COCH: variants seen among roughly 807,000 people sequenced by gnomAD.
COCH encodes coagulation factor C homolog, cochlin (Limulus polyphemus).
Under a neutral mutation model 54.8 loss-of-function variants are expected in COCH, and 40 were observed. That is an observed-to-expected ratio of 0.73 (90% CI 0.57 to 0.95). The LOEUF is 0.95. COCH is among the 40% of genes least tolerant of loss of function. COCH has a pLI of 0.00. For synonymous variants in COCH, 256 were observed against 237.9 expected (o/e 1.08, Z -0.70); for missense variants, 605 against 675.0 (o/e 0.90, Z 1.15).
In COCH at chr14:30,877,313, A is replaced by G. The variant is rs1308447858; in HGVS notation, c.83-259A>G. On this transcript the variant is annotated intron_variant, in intron 3 of 11. Transcript: ENST00000396618. The surrounding 1 kb of genome is among the most constrained non-coding windows in gnomAD (Gnocchi z 8.6). Reference sequence around the variant, plus strand: ...AGCTTGGGCAACTTGGCGAGTCCCCATTTCAAAAACAAAAACGAAATAAAA... The same window carrying G: ...AGCTTGGGCAACTTGGCGAGTCCCCGTTTCAAAAACAAAAACGAAATAAAA... The G allele has an allele frequency of 6.9e-6, 3 of 433,484 alleles. No individual in the cohort carries two copies. The East Asian group carries it at 1.5e-4, about 21-fold the overall frequency. The allele number at this position is 433,484 out of a possible 1,614,324, so 26.9% of individuals were successfully genotyped here.
chr14:30,885,554 A>G lies in COCH; in HGVS notation c.894A>G (p.Ile298Met), dbSNP rs1895757433. ...VAREFGVNVF[I>M]VSVAKPIPEE... ...GAGAGTTTGGTGTCAATGTATTTATAGTTTCTGTGGCCAAGCCTATCCCTG... is the reference window on the plus strand; with the variant it reads ...GAGAGTTTGGTGTCAATGTATTTATGGTTTCTGTGGCCAAGCCTATCCCTG... The change falls in exon 10 of 12, where the codon ATA (isoleucine) becomes ATG (methionine). Residue 298 changes from isoleucine (I) to methionine (M), a missense_variant. By Grantham distance (10) the Ile-to-Met change is conservative (BLOSUM62 1). Transcript: ENST00000396618. 6.2e-7 allele frequency: 1 copy of G among 1,613,524 alleles called. No homozygotes were observed. The highest frequency in any genetic ancestry group is 1.6e-4 in the Middle Eastern group (1 of 6,062).
Position 30,878,926 on chromosome 14 carries a change from G to A in COCH, c.355G>A (p.Ala119Thr), listed in dbSNP as rs121908931. The A allele has an allele frequency of 4.3e-6, 7 of 1,614,082 alleles. No individual in the cohort carries two copies. The East Asian group carries it at 1.6e-4, about 36-fold the overall frequency. ...GTCTCAAATGCTTTCTAGATGGTCT[G>A]CTTCTTTCACAGTAACTAGTAGGTA... ...IQSQMLSRWS[A>T]SFTVTKGKSS... Residue 119 changes from alanine to threonine, a missense_variant, in exon 5 of 12, where the codon GCT becomes ACT. By Grantham distance (58) the Ala-to-Thr change is moderately conservative. Coordinates refer to ENST00000396618, the MANE Select transcript of COCH (RefSeq NM_004086.3).
At chr14:30,885,680 G>A in intron 10 of COCH, 60 bp downstream of exon 10, 3 of 1,470,464 alleles carry the variant, frequency 2.0e-6, no homozygotes, top group Non-Finnish European at 2.9e-6. Flanking sequence ...GGACCTCTAA[G>A]TGCAGTGCTG....
chr14:30,894,950 G>A (rs539865179), downstream of COCH: 5 of 1,049,262 alleles, frequency 4.8e-6, no homozygotes, highest in East Asian at 8.1e-5. Context: ...GCATTCAACC[G>A]ATAAACAGAA....
chr14:30,875,944 T>G (rs1273906127), intron 3 of COCH: 1 of 152,078 alleles, frequency 6.6e-6, no homozygotes, highest in Non-Finnish European at 1.5e-5. Context: ...GGTAAGGATT[T>G]TAACCTCTCA....
At chr14:30,874,857 G>T in intron 1 of COCH, 59 bp from the exon 2 acceptor site, 2 of 1,503,850 alleles carry the variant, frequency 1.3e-6, no homozygotes, top group Non-Finnish European at 1.8e-6. Flanking sequence ...GGGCTCTGAG[G>T]AGGTGACGCG....
At chr14:30,890,900 G>A (rs1895960958), downstream of COCH, among the ~76,000 whole-genome samples, 1 of 151,910 alleles carries the variant, frequency 6.6e-6, no homozygotes. Context: ...TTAGCCGGGT[G>A]GGATGGTGCA....
intron 10 of COCH, 35 bp downstream of exon 10, chr14:30,885,655 TG>T: frequency 6.8e-7 from 1 of 1,471,054 alleles, no homozygotes; most frequent in Non-Finnish European, 9.5e-7. Context: ...GTTACAGTGA[TG>T]GGTATTCCAT....
chr14:30,893,328 G>A (rs182593528), downstream of COCH, among the ~76,000 whole-genome samples: 1 of 151,580 alleles, frequency 6.6e-6, no homozygotes, highest in Non-Finnish European at 1.5e-5. Flanking sequence ...GTGTGTGTGT[G>A]TTTTTAGTAG....
At position 30,888,408 on chromosome 14, in the gene COCH, A is replaced by G. The variant is rs539459814; in HGVS notation, c.1478-1208A>G. Among the ~76,000 whole-genome samples the G allele has an allele frequency of 6.9e-4, 105 of 152,258 alleles. No homozygotes were observed. The South Asian group carries it at 0.021, about 31-fold the overall frequency. ...AAGGGGAATGAAACCTTAGATCTGT[A>G]GAGGAAAACTATTACAGAAACTCCA... On this transcript the variant is annotated intron_variant, in intron 11 of 11. Transcript: ENST00000396618.
intron 11 of COCH, chr14:30,889,245 A>AT (rs1445433897): frequency 4.1e-6 from 1 of 245,034 alleles, no homozygotes; most frequent in Non-Finnish European, 8.0e-6. Flanking sequence ...AATTTTCACC[A>AT]TCCGCATTTA....
chr14:30,878,049 G>T (rs1440345088), intron 4 of COCH, among the ~76,000 whole-genome samples: 2 of 152,140 alleles, frequency 1.3e-5, no homozygotes, highest in Admixed American at 1.3e-4. Flanking sequence ...AACTCTACAA[G>T]GTAGGTAGAA....
At chr14:30,893,214 T>G (rs1035585302), downstream of COCH, among the ~76,000 whole-genome samples, 2 of 145,694 alleles carry the variant, frequency 1.4e-5, no homozygotes, top group Non-Finnish European at 3.0e-5. Flanking sequence ...TGCAGTGGCG[T>G]GATCTCAGCT....
In COCH at chr14:30,878,356, CA is replaced by C. The variant is rs554753824; in HGVS notation, c.240-453del. 4.6e-5 allele frequency among the ~76,000 whole-genome samples: 7 copies of C among 152,262 alleles called. No individual in the cohort carries two copies. The South Asian group carries it at 1.5e-3, about 32-fold the overall frequency. ...CAGGCAAATTTTGTTCTTGTGTAAG[CA>C]AGTTTTTAAAAGGCTAGCAGCAGCT... On this transcript the variant is annotated intron_variant, in intron 4 of 11. Transcript: ENST00000396618.
downstream of COCH, among the ~76,000 whole-genome samples, chr14:30,891,017 T>C (rs1328545186): frequency 1.3e-5 from 2 of 149,080 alleles, no homozygotes; most frequent in Non-Finnish European, 3.0e-5. Context: ...CCAGCTTGGG[T>C]GACAGAGCAA....
Position 30,877,339 on chromosome 14 carries a change from A to G in COCH, c.83-233A>G, listed in dbSNP as rs1019014053. On this transcript the variant is annotated intron_variant, in intron 3 of 11. Coordinates refer to ENST00000396618, the MANE Select transcript of COCH (RefSeq NM_004086.3). This position sits in a 1 kb window ranked among gnomAD's most constrained non-coding sequence, Gnocchi z 8.6. ...TTTCAAAAACAAAAACGAAATAAAA[A>G]CCCAGAACTTTCACATTAGAGTTTT... 6.0e-5 allele frequency: 31 copies of G among 520,908 alleles called. No homozygotes were observed. Among genetic ancestry groups the G allele is most frequent in the African/African-American group, 5.2e-4 (27 of 52,052 alleles). The allele number at this position is 520,908 out of a possible 1,614,324, so 32.3% of individuals were successfully genotyped here.
intron 6 of COCH, among the ~76,000 whole-genome samples, chr14:30,880,064 T>C (rs994597615): frequency 6.6e-6 from 1 of 152,248 alleles, no homozygotes; most frequent in Non-Finnish European, 1.5e-5. Flanking sequence ...CTTCATTAAA[T>C]TCCTTTAATT....
intron 10 of COCH, 68 bp downstream of exon 10, chr14:30,885,688 C>T: frequency 6.8e-7 from 1 of 1,475,534 alleles, no homozygotes; most frequent in Non-Finnish European, 9.5e-7. Flanking sequence ...AAGTGCAGTG[C>T]TGACTGCCTC....
At position 30,889,900 on chromosome 14, in the gene COCH, TTAAGTA is replaced by T; in HGVS notation, c.*111_*116del. ...CATACTAGAATCAGATACAAAACTA[TTAAGTA>T]TGTCAACAGCCATTTAGGCAAATAA... On this transcript the variant is annotated 3_prime_UTR_variant, in exon 12 of 12. Coordinates refer to ENST00000396618, the MANE Select transcript of COCH (RefSeq NM_004086.3). 6.8e-7 allele frequency: 1 copy of T among 1,460,814 alleles called. No individual in the cohort carries two copies. Among genetic ancestry groups the T allele is most frequent in the Non-Finnish European group, 9.0e-7 (1 of 1,107,436 alleles). The allele number at this position is 1,460,814 out of a possible 1,614,324, so 90.5% of individuals were successfully genotyped here.
Sources: allele counts gnomAD v4.1 joint callset (sites outside exome capture counted in the v4.1 genomes callset), GRCh38; gene constraint gnomAD v4.1.1; non-coding constraint Gnocchi (gnomAD v3.1); transcripts MANE v1.5; gene names NCBI Gene and HGNC (gene_info 2026-07-23, HGNC 2026-07-21).